PHLPP1: variants seen among roughly 807,000 people sequenced by gnomAD.
The protein encoded by PHLPP1 is PH domain and leucine rich repeat protein phosphatase 1.
Under a neutral mutation model 117.2 loss-of-function variants are expected in PHLPP1, and 42 were observed. The ratio of observed to expected loss-of-function variants is 0.36; its 90% CI spans 0.28 to 0.46. The LOEUF (loss-of-function observed/expected upper bound fraction) is 0.46. PHLPP1 is among the 20% of genes least tolerant of loss of function. The probability of loss-of-function intolerance (pLI) is 1.00; values close to 1 mark genes in which losing one functional copy is unlikely to be tolerated. For missense variants in PHLPP1, 2,084 were observed against 2,241.9 expected (o/e 0.93, Z 1.42); for synonymous variants, 1,042 against 970.7 (o/e 1.07, Z -1.37).
chr18:62,943,031 A>G (rs531865208), intron 11 of PHLPP1, among the ~76,000 whole-genome samples: 4 of 152,242 alleles, frequency 2.6e-5, no homozygotes, highest in East Asian at 1.9e-4. Context: ...TGATAATCAC[A>G]TAACAGCAAC....
intron 1 of PHLPP1, among the ~76,000 whole-genome samples, chr18:62,822,465 T>C (rs949131222): frequency 2.0e-5 from 3 of 151,788 alleles, no homozygotes; most frequent in African/African-American, 7.3e-5. Flanking sequence ...TTTGTAGTTT[T>C]AGTAGAGACG....
intron 1 of PHLPP1, among the ~76,000 whole-genome samples, chr18:62,744,213 G>A (rs961094935): frequency 3.3e-5 from 5 of 152,226 alleles, no homozygotes; most frequent in African/African-American, 1.2e-4. Context: ...TCTGGTGAGT[G>A]GTGGGGCTCC....
chr18:62,932,550 T>C (rs1021278287), intron 10 of PHLPP1, among the ~76,000 whole-genome samples: 2 of 152,200 alleles, frequency 1.3e-5, no homozygotes, highest in African/African-American at 4.8e-5. Context: ...AAAAAGTCTT[T>C]GATTAAAATC....
At position 62,830,151 on chromosome 18, in the gene PHLPP1, T is replaced by C. The variant is rs776677396; in HGVS notation, c.1693T>C (p.Cys565Arg). The C allele has an allele frequency of 6.2e-7, 1 of 1,604,360 alleles. No homozygotes were observed. The highest frequency in any genetic ancestry group is 8.5e-7 in the Non-Finnish European group (1 of 1,175,194). Residue 565 changes from cysteine to arginine, a missense_variant, in exon 2 of 17, where the codon TGT (cysteine) becomes CGT (arginine). Around this residue, in one of 2 missense-constraint regions of PHLPP1, gnomAD observed 1,365 missense variants for 1,605.9 expected, o/e 0.85. Transcript: ENST00000262719. ...ATGGACAAGACGCCAAGTCATCCTA[T>C]GTGGGACCTGCCTGATAGTATCATC... Reference protein sequence around the residue: ...NRWTRRQVILCGTCLIVSSVK... With the variant: ...NRWTRRQVILRGTCLIVSSVK...
rs1258501699 is a variant in PHLPP1 at position 62,919,950 on chromosome 18, T to C, written c.2805-9T>C. On this transcript the variant is annotated splice_polypyrimidine_tract_variant and intron_variant, in intron 9 of 16. Coordinates refer to ENST00000262719, the MANE Select transcript of PHLPP1 (RefSeq NM_194449.4). Reference sequence around the variant, plus strand: ...TTCATTTTTTGGTCTTTTGTCCCTTTTTATACAGCTTATTTTGTAATAGCA... The same window carrying C: ...TTCATTTTTTGGTCTTTTGTCCCTTCTTATACAGCTTATTTTGTAATAGCA... 1 of 1,574,566 alleles carries C rather than the reference T, an allele frequency of 6.4e-7. No individual in the cohort carries two copies. Among genetic ancestry groups the C allele is most frequent in the African/African-American group, 1.3e-5 (1 of 74,238 alleles).
At chr18:62,823,807 T>TA (rs1158933207) in intron 1 of PHLPP1, among the ~76,000 whole-genome samples, 1 of 152,054 alleles carries the variant, frequency 6.6e-6, no homozygotes, top group African/African-American at 2.4e-5. Flanking sequence ...CATAAGGAGA[T>TA]ACCACTACAT....
In PHLPP1 at chr18:62,826,277, T is replaced by A. The variant is rs552201352; in HGVS notation, c.1577-3758T>A. On this transcript the variant is annotated intron_variant, in intron 1 of 16. Transcript: ENST00000262719. ...ACAATTAAAATCCTGAATTCATGAATGTGAAGAATACATTTGTTAGAAAAT... is the reference window on the plus strand; with the variant it reads ...ACAATTAAAATCCTGAATTCATGAAAGTGAAGAATACATTTGTTAGAAAAT... The A allele has an allele frequency of 3.8e-5, 16 of 419,186 alleles. No homozygotes were observed. The East Asian group carries it at 1.0e-3, about 27-fold the overall frequency. 26.0% of individuals were successfully genotyped at this position (419,186 alleles called of 1,614,324 possible). A position where few individuals can be genotyped will look rare whatever the true frequency, so the allele number is the denominator to read the frequency against.
intron 12 of PHLPP1, among the ~76,000 whole-genome samples, chr18:62,954,382 T>G (rs954148602): frequency 8.5e-5 from 13 of 152,260 alleles, no homozygotes; most frequent in African/African-American, 3.1e-4. Flanking sequence ...TAGAGGTACA[T>G]ATATTAACAA....
chr18:62,764,190 CAA>C (rs1912376066), intron 1 of PHLPP1, among the ~76,000 whole-genome samples: 1 of 142,902 alleles, frequency 7.0e-6, no homozygotes, highest in South Asian at 2.2e-4. Flanking sequence ...AAAACAACAA[CAA>C]CCAAAAAAAC....
At position 62,716,747 on chromosome 18, in the gene PHLPP1, G is replaced by T. The variant is rs1474027411; in HGVS notation, c.1064G>T (p.Ser355Ile). 3 of 1,517,884 alleles carry T rather than the reference G, an allele frequency of 2.0e-6. No individual in the cohort carries two copies. Among genetic ancestry groups the T allele is most frequent in the African/African-American group, 1.4e-5 (1 of 69,624 alleles). 94.0% of individuals were successfully genotyped at this position (1,517,884 alleles called of 1,614,324 possible). ...ACCGAGAGCTTCAGTCTGAGTCCCA[G>T]CGCCGAGAGCGTGTCTGACCGGTTG... ...SDTESFSLSP[S>I]AESVSDRLDP... Residue 355 changes from serine to isoleucine, a missense_variant, in exon 1 of 17, where the codon AGC becomes ATC. Transcript: ENST00000262719. This position sits in a 1 kb window ranked among gnomAD's most constrained non-coding sequence, Gnocchi z 5.7.
chr18:62,862,356 C>T (rs1915654275), intron 4 of PHLPP1, among the ~76,000 whole-genome samples: 1 of 152,060 alleles, frequency 6.6e-6, no homozygotes, highest in Non-Finnish European at 1.5e-5. Context: ...GCTGGGATTA[C>T]AGGTGTGAAC....
At chr18:62,817,180 G>A (rs367765939) in intron 1 of PHLPP1, among the ~76,000 whole-genome samples, 2 of 152,306 alleles carry the variant, frequency 1.3e-5, no homozygotes, top group East Asian at 3.9e-4. Context: ...CTGGATGCAA[G>A]CAATCCTCCT....
At position 62,715,811 on chromosome 18, in the gene PHLPP1, CGGCGGCCGGG is replaced by C. The variant is rs1910704752; in HGVS notation, c.138_147del (p.Gly47ValfsTer6). 6 of 801,472 alleles carry C rather than the reference CGGCGGCCGGG, an allele frequency of 7.5e-6. No homozygotes were observed. The highest frequency in any genetic ancestry group is 9.2e-6 in the Non-Finnish European group (6 of 654,832). 49.6% of individuals were successfully genotyped at this position (801,472 alleles called of 1,614,324 possible). A position where few individuals can be genotyped will look rare whatever the true frequency, so the allele number is the denominator to read the frequency against. The stretch of plus-strand genomic sequence containing the variant: ...GCGGCGGCCGCGGCGGCTCTGGCGG[CGGCGGCCGGG>C]GGCGGCCGGAGTCCGGAGCCCGCGC... On this transcript the variant is annotated frameshift_variant, in exon 1 of 17. Coordinates refer to ENST00000262719, the MANE Select transcript of PHLPP1 (RefSeq NM_194449.4). LOFTEE classifies it high-confidence loss of function.
At chr18:62,816,599 A>G (rs1914282509) in intron 1 of PHLPP1, among the ~76,000 whole-genome samples, 1 of 152,098 alleles carries the variant, frequency 6.6e-6, no homozygotes, top group Non-Finnish European at 1.5e-5. Context: ...AAAAAAAAGA[A>G]GTTTGTTTAT....
intron 1 of PHLPP1, among the ~76,000 whole-genome samples, chr18:62,784,751 T>G (rs553657429): frequency 1.3e-5 from 2 of 152,374 alleles, no homozygotes; most frequent in South Asian, 4.1e-4. Context: ...CAAGCTAGTT[T>G]CACTGACACT....
At chr18:62,883,525 C>T (rs999625232) in intron 4 of PHLPP1, among the ~76,000 whole-genome samples, 12 of 152,138 alleles carry the variant, frequency 7.9e-5, no homozygotes, top group African/African-American at 2.7e-4. Flanking sequence ...AGATTGGCAA[C>T]AGTTGAAAAG....
chr18:62,725,149 A>G (rs1371628529), intron 1 of PHLPP1, among the ~76,000 whole-genome samples: 1 of 152,182 alleles, frequency 6.6e-6, no homozygotes, highest in Non-Finnish European at 1.5e-5. Context: ...ACCTGAGGTC[A>G]GGAGTTCGAG....
intron 12 of PHLPP1, among the ~76,000 whole-genome samples, chr18:62,950,082 G>A (rs892507159): frequency 2.6e-5 from 4 of 152,194 alleles, no homozygotes; most frequent in African/African-American, 7.2e-5. Flanking sequence ...TGATACCTGC[G>A]GTGAATGAAG....
rs536479579 is a variant in PHLPP1, at chr18:62,862,919, T to A, written c.2066+2318T>A. 3.3e-5 allele frequency among the ~76,000 whole-genome samples: 5 copies of A among 152,298 alleles called. No individual in the cohort carries two copies. The East Asian group carries it at 9.6e-4, about 29-fold the overall frequency. On this transcript the variant is annotated intron_variant, in intron 4 of 16. Transcript: ENST00000262719. ...GAATAGAGAAGAATATAATGACAAC[T>A]GGGACAGTTTGGTGCTGCAGTGAAT... is the stretch of plus-strand genomic sequence containing the variant.
Sources: allele counts gnomAD v4.1 joint callset (sites outside exome capture counted in the v4.1 genomes callset), GRCh38; gene constraint gnomAD v4.1.1; regional missense constraint gnomAD v4.1.1; non-coding constraint Gnocchi (gnomAD v3.1); transcripts MANE v1.5; gene names NCBI Gene and HGNC (gene_info 2026-07-23, HGNC 2026-07-21).